Variants in ZMYM2 observed in about 807,000 individuals in gnomAD.
ZMYM2 encodes the protein zinc finger MYM-type containing 2.
ZMYM2 carries 56 observed loss-of-function variants against 162.8 expected under a neutral mutation model. That is an observed-to-expected ratio of 0.34 (90% CI 0.28 to 0.43). ZMYM2 has a LOEUF of 0.43. ZMYM2 is among the 20% of genes least tolerant of loss of function. ZMYM2 has a pLI of 1.00. For synonymous variants in ZMYM2, 510 were observed against 541.6 expected, an observed-to-expected ratio of 0.94 and a Z score of 0.81; for missense variants, 1,275 against 1,621.8, an observed-to-expected ratio of 0.79 and a Z score of 3.67.
chr13:19,884,379 C>G, the ZMYM2 span, among the ~76,000 whole-genome samples: 1 of 151,276 alleles, frequency 6.6e-6, no homozygotes, highest in Non-Finnish European at 1.5e-5. Context: ...ATCGAGACGG[C>G]CCGGGCTAAC....
chr13:19,928,126 T>C, the ZMYM2 span, among the ~76,000 whole-genome samples: 28,291 of 152,028 alleles, frequency 0.19, 4,502 homozygotes, highest in African/African-American at 0.43. Context: ...CCACCTCAGC[T>C]TCTCGTGTAG....
chr13:19,996,669 A>G (rs1365245185), intron 3 of ZMYM2, among the ~76,000 whole-genome samples: 1 of 152,006 alleles, frequency 6.6e-6, no homozygotes, highest in Non-Finnish European at 1.5e-5. Context: ...GTGAGCAGAG[A>G]TTGCACCACT....
At chr13:19,936,547 C>T in the ZMYM2 span, among the ~76,000 whole-genome samples, 1 of 151,872 alleles carries the variant, frequency 6.6e-6, no homozygotes, top group African/African-American at 2.4e-5. Context: ...CATGGCGAAA[C>T]CCTGTCTCTA....
At chr13:20,030,649 T>C (rs575348997) in intron 9 of ZMYM2, among the ~76,000 whole-genome samples, 93 of 152,220 alleles carry the variant, frequency 6.1e-4, no homozygotes, top group South Asian at 3.3e-3. Flanking sequence ...CCGCCCGCCT[T>C]GGCCTCCCAA....
intron 5 of ZMYM2, among the ~76,000 whole-genome samples, chr13:20,005,891 A>G (rs1235210781): frequency 2.6e-5 from 4 of 151,886 alleles, no homozygotes; most frequent in Non-Finnish European, 4.4e-5. Flanking sequence ...TTCTTTTTTC[A>G]GTGCCATACA....
the ZMYM2 span, among the ~76,000 whole-genome samples, chr13:19,868,685 C>G: frequency 6.6e-6 from 1 of 152,162 alleles, no homozygotes; most frequent in African/African-American, 2.4e-5. Context: ...ACTCACTGAT[C>G]TTACATTTGC....
Position 19,993,697 on chromosome 13 carries a change from G to A in ZMYM2, c.625G>A (p.Asp209Asn), listed in dbSNP as rs1204754381. 1.2e-6 allele frequency: 2 copies of A among 1,613,862 alleles called. No individual in the cohort carries two copies. Among genetic ancestry groups the A allele is most frequent in the East Asian group, 4.5e-5 (2 of 44,882 alleles). ...CCAATTAGAAAATACTGACGGGCGA[G>A]ATATGAACTTAATGATTACACATGT... ...DGQLENTDGR[D>N]MNLMITHVTS... Residue 209 changes from aspartate (D) to asparagine (N), a missense_variant, in exon 3 of 25, where the codon GAT becomes AAT. Coordinates refer to ENST00000610343, the MANE Select transcript of ZMYM2 (RefSeq NM_197968.4).
At chr13:20,073,692 T>C (rs1957256761) in intron 21 of ZMYM2, among the ~76,000 whole-genome samples, 1 of 152,212 alleles carries the variant, frequency 6.6e-6, no homozygotes, top group African/African-American at 2.4e-5. Context: ...AGGAAAATGC[T>C]ATCACAGGAA....
chr13:20,015,427 C>T (rs1417487768), intron 6 of ZMYM2, among the ~76,000 whole-genome samples: 1 of 152,130 alleles, frequency 6.6e-6, no homozygotes, highest in Admixed American at 6.5e-5. Context: ...GTTTATTCTA[C>T]TGTTGTTGGC....
chr13:19,995,301 C>T (rs1052238946), intron 3 of ZMYM2, among the ~76,000 whole-genome samples: 1 of 152,014 alleles, frequency 6.6e-6, no homozygotes, highest in East Asian at 1.9e-4. Flanking sequence ...TCGATAATGC[C>T]GTGTTTATTT....
chr13:19,981,888 C>T (rs986394665), intron 2 of ZMYM2, among the ~76,000 whole-genome samples: 5 of 151,922 alleles, frequency 3.3e-5, no homozygotes, highest in South Asian at 2.1e-4. Context: ...CACTCTAAGC[C>T]GTTGAGGGTC....
chr13:19,999,518 C>T (rs1594272834), intron 3 of ZMYM2, among the ~76,000 whole-genome samples: 1 of 152,188 alleles, frequency 6.6e-6, no homozygotes, highest in South Asian at 2.1e-4. Context: ...AACTCTCCCT[C>T]TCCTTGGACC....
intron 8 of ZMYM2, 37 bp from the exon 9 acceptor site, chr13:20,027,166 T>TTATA (rs1244944056): frequency 6.8e-7 from 1 of 1,464,356 alleles, no homozygotes; most frequent in African/African-American, 1.4e-5. Context: ...TTTTATTACT[T>TTATA]TATAAACAAA....
the ZMYM2 span, among the ~76,000 whole-genome samples, chr13:19,937,193 G>A: frequency 6.6e-6 from 1 of 151,534 alleles, no homozygotes; most frequent in Admixed American, 6.6e-5. Context: ...TTGTCGCCCA[G>A]GCTGGAGTGC....
the ZMYM2 span, among the ~76,000 whole-genome samples, chr13:19,916,114 G>A: frequency 6.6e-6 from 1 of 151,964 alleles, no homozygotes; most frequent in Non-Finnish European, 1.5e-5. Flanking sequence ...GCCCACCTCA[G>A]CCTCCCAAAT....
chr13:20,031,279 C>G, intron 9 of ZMYM2, 40 bp from the exon 10 acceptor site: 4 of 1,379,480 alleles, frequency 2.9e-6, no homozygotes, highest in Non-Finnish European at 4.0e-6. Context: ...GAAATTCAAA[C>G]ATACATGTCA....
chr13:19,911,973 C>T, the ZMYM2 span, among the ~76,000 whole-genome samples: 690 of 152,348 alleles, frequency 4.5e-3, 3 homozygotes, highest in East Asian at 0.027. Flanking sequence ...TTCAACTCAT[C>T]TATTTGGCCC....
the ZMYM2 span, among the ~76,000 whole-genome samples, chr13:19,896,579 A>G: frequency 6.8e-6 from 1 of 147,792 alleles, no homozygotes. Flanking sequence ...ACACTGTGAA[A>G]CCCCGTCTCT....
intron 7 of ZMYM2, chr13:20,024,902 G>A (rs1306819082): frequency 4.6e-6 from 1 of 215,890 alleles, no homozygotes; most frequent in East Asian, 7.0e-5. Flanking sequence ...TGATATTTCA[G>A]TAAATGAGGA....
Sources: allele counts gnomAD v4.1 joint callset (sites outside exome capture counted in the v4.1 genomes callset), GRCh38; gene constraint gnomAD v4.1.1; transcripts MANE v1.5; gene names NCBI Gene and HGNC (gene_info 2026-07-23, HGNC 2026-07-21).